MCUB: variants seen among roughly 807,000 people sequenced by gnomAD.
The protein encoded by MCUB is mitochondrial calcium uniporter dominant negative subunit beta, also known as calcium uniporter regulatory subunit MCUb, mitochondrial.
MCUB carries 46 observed loss-of-function variants against 41.4 expected under a neutral mutation model. The observed-to-expected ratio is 1.11, with a 90% CI of 0.88 to 1.42. MCUB has a LOEUF of 1.42. Ranked by LOEUF, MCUB falls within the 40% of genes most tolerant of loss-of-function variation. The pLI, the probability that MCUB is intolerant of heterozygous loss-of-function variation, is 0.00. For missense variants in MCUB, 403 were observed against 404.9 expected, an observed-to-expected ratio of 1.00 and a Z score of 0.04; for synonymous variants, 148 against 148.2, an observed-to-expected ratio of 1.00 and a Z score of 0.01.
chr4:109,649,839 G>T (rs1728921197), intron 1 of MCUB, among the ~76,000 whole-genome samples: 1 of 152,050 alleles, frequency 6.6e-6, no homozygotes, highest in Non-Finnish European at 1.5e-5. Context: ...CTCCCAAAGT[G>T]TTCGGATTAC....
chr4:109,581,507 G>T (rs901935981), intron 1 of MCUB, among the ~76,000 whole-genome samples: 1 of 151,942 alleles, frequency 6.6e-6, no homozygotes, highest in African/African-American at 2.4e-5. Context: ...ACAGGCAATG[G>T]CAACAAAAGC....
intron 1 of MCUB, among the ~76,000 whole-genome samples, chr4:109,623,850 CTTTTAT>C (rs1444682750): frequency 1.3e-5 from 2 of 152,034 alleles, no homozygotes; most frequent in South Asian, 2.1e-4. Context: ...CATTCAAGAT[CTTTTAT>C]TTTTATTTTT....
At chr4:109,567,803 A>G (rs367705192) in intron 1 of MCUB, among the ~76,000 whole-genome samples, 5 of 151,946 alleles carry the variant, frequency 3.3e-5, no homozygotes, top group African/African-American at 1.2e-4. Flanking sequence ...GGTTCAAGCA[A>G]TTCTCCTGTC....
chr4:109,585,116 T>C (rs1727274944), intron 1 of MCUB, among the ~76,000 whole-genome samples: 1 of 151,580 alleles, frequency 6.6e-6, no homozygotes, highest in Non-Finnish European at 1.5e-5. Context: ...ACTTGCTTTA[T>C]GGATCTGGGT....
At chr4:109,566,257 G>C (rs930545789) in intron 1 of MCUB, among the ~76,000 whole-genome samples, 29 of 151,434 alleles carry the variant, frequency 1.9e-4, no homozygotes, top group South Asian at 1.0e-3. Flanking sequence ...ATCACGAGGT[G>C]AGGAGATCGA....
chr4:109,579,543 C>T (rs1017396706), intron 1 of MCUB, among the ~76,000 whole-genome samples: 6 of 152,164 alleles, frequency 3.9e-5, no homozygotes, highest in South Asian at 2.1e-4. Flanking sequence ...AAAGCAGGAC[C>T]ACCACATAGC....
chr4:109,591,154 A>G (rs1727427525), intron 1 of MCUB, among the ~76,000 whole-genome samples: 4 of 148,032 alleles, frequency 2.7e-5, no homozygotes, highest in Admixed American at 1.3e-4. Context: ...CCTTTTCACC[A>G]TCGTCCTCTC....
intron 1 of MCUB, among the ~76,000 whole-genome samples, chr4:109,653,452 T>C (rs1013839911): frequency 1.3e-5 from 2 of 152,094 alleles, no homozygotes; most frequent in Non-Finnish European, 2.9e-5. Flanking sequence ...TTGCCAGCAA[T>C]ATATGAGAAT....
chr4:109,619,824 A>G (rs6858600), intron 1 of MCUB, among the ~76,000 whole-genome samples: 17,172 of 152,162 alleles, frequency 0.11, 1,155 homozygotes, highest in African/African-American at 0.17. Context: ...GTAAAGTGAT[A>G]TTGTGGCATA....
rs181166853 is a variant in MCUB, at chr4:109,566,768, A to C, written c.99+6332A>C. ...TGACTTCAGCTAAGTTCACAGAGCT[A>C]AGTGGTGGTAGGGCCAGGTTGGCAG... On this transcript the variant is annotated intron_variant, in intron 1 of 7. Transcript: ENST00000394650. Among the ~76,000 whole-genome samples the C allele has an allele frequency of 1.0e-3, 155 of 152,348 alleles. 1 individual carries two copies. The highest frequency in any genetic ancestry group is 0.01 in the Admixed American group (154 of 15,298).
chr4:109,570,283 G>A (rs571316106), intron 1 of MCUB, among the ~76,000 whole-genome samples: 26 of 152,268 alleles, frequency 1.7e-4, no homozygotes, highest in African/African-American at 6.3e-4. Context: ...TAATCTCGAA[G>A]ATCAGGTGCT....
chr4:109,569,496 CCTTT>C (rs1726859925), intron 1 of MCUB, among the ~76,000 whole-genome samples: 3 of 141,962 alleles, frequency 2.1e-5, no homozygotes, highest in African/African-American at 5.4e-5. Context: ...CTTGGCTATC[CCTTT>C]TTTTTTTTTT....
chr4:109,671,735 GTC>G (rs1319374400), intron 4 of MCUB, among the ~76,000 whole-genome samples: 1 of 152,040 alleles, frequency 6.6e-6, no homozygotes, highest in Non-Finnish European at 1.5e-5. Flanking sequence ...TGCTTGTTTT[GTC>G]TCTTCAAACT....
intron 1 of MCUB, among the ~76,000 whole-genome samples, chr4:109,561,445 A>AT (rs11310834): frequency 0.042 from 6,379 of 150,542 alleles, 167 homozygotes; most frequent in African/African-American, 0.059. Context: ...ATTTAAGTGC[A>AT]TTTTTTTTTC....
intron 1 of MCUB, among the ~76,000 whole-genome samples, chr4:109,647,082 G>C (rs912391628): frequency 5.9e-5 from 9 of 152,128 alleles, no homozygotes; most frequent in African/African-American, 2.2e-4. Context: ...AGCTCTAAGA[G>C]TTTCCATATA....
chr4:109,581,200 C>T (rs531951675), intron 1 of MCUB, among the ~76,000 whole-genome samples: 1 of 152,254 alleles, frequency 6.6e-6, no homozygotes, highest in African/African-American at 2.4e-5. Flanking sequence ...ACCAATGGAA[C>T]AGAACAGAGC....
intron 7 of MCUB, among the ~76,000 whole-genome samples, chr4:109,686,703 ATC>A (rs1163385560): frequency 6.6e-6 from 1 of 152,104 alleles, no homozygotes; most frequent in Non-Finnish European, 1.5e-5. Context: ...GTGAGACCTC[ATC>A]TCTACAAAAT....
At chr4:109,647,860 C>T (rs1174600621) in intron 1 of MCUB, among the ~76,000 whole-genome samples, 1 of 152,038 alleles carries the variant, frequency 6.6e-6, no homozygotes, top group East Asian at 1.9e-4. Context: ...ATTGTGTGTC[C>T]GCACCTGTTG....
intron 1 of MCUB, among the ~76,000 whole-genome samples, chr4:109,620,833 T>G (rs1298113091): frequency 6.6e-6 from 1 of 152,028 alleles, no homozygotes; most frequent in Non-Finnish European, 1.5e-5. Context: ...TTTTACAGGT[T>G]ATGGGACTGA....
Sources: gnomAD v4.1 joint callset for allele counts (sites outside exome capture counted in the v4.1 genomes callset) on GRCh38, gnomAD v4.1.1 for gene constraint, MANE v1.5 for transcripts, NCBI Gene and HGNC (gene_info 2026-07-23, HGNC 2026-07-21) for gene names.